The following SYT9 variants were observed in gnomAD, a reference collection of about 807,000 sequenced individuals.
The protein encoded by SYT9 is synaptotagmin 9, also known as synaptotagmin-9.
A neutral mutation model predicts 48.4 loss-of-function variants in SYT9; 22 were observed. The observed-to-expected ratio is 0.45, with a 90% CI of 0.32 to 0.65. SYT9 has a LOEUF of 0.65. Ranked by LOEUF, SYT9 falls within the 30% of genes least tolerant of loss-of-function variation. SYT9 has a pLI of 0.03. For missense variants in SYT9, 577 were observed against 622.0 expected, an observed-to-expected ratio of 0.93 and a Z score of 0.77; for synonymous variants, 265 against 245.0, an observed-to-expected ratio of 1.08 and a Z score of -0.76.
chr11:7,365,996 A>T (rs1850233927), intron 3 of SYT9, among the ~76,000 whole-genome samples: 1 of 152,298 alleles, frequency 6.6e-6, no homozygotes, highest in Non-Finnish European at 1.5e-5. Flanking sequence ...TTGCCCTTGA[A>T]GAAAGTCCTA....
chr11:7,414,489 A>G (rs1297243467), intron 3 of SYT9, among the ~76,000 whole-genome samples: 2 of 152,288 alleles, frequency 1.3e-5, no homozygotes, highest in Non-Finnish European at 1.5e-5. Context: ...TGCTCCTGCA[A>G]TGGGGAACCC....
At chr11:7,251,597 C>A (rs1197234626), upstream of SYT9, among the ~76,000 whole-genome samples, 1 of 152,202 alleles carries the variant, frequency 6.6e-6, no homozygotes, top group Admixed American at 6.5e-5. Flanking sequence ...TTGTAACCTT[C>A]GCACTAGGCA....
At chr11:7,239,616 A>C (rs1847719851) in intron 1 of SYT9, among the ~76,000 whole-genome samples, 1 of 152,188 alleles carries the variant, frequency 6.6e-6, no homozygotes, top group Non-Finnish European at 1.5e-5. Context: ...AGACTAATAG[A>C]TACTGAGTAA....
intron 6 of SYT9, among the ~76,000 whole-genome samples, chr11:7,450,923 GT>G (rs1321622219): frequency 2.6e-4 from 39 of 152,224 alleles, no homozygotes; most frequent in African/African-American, 9.4e-4. Flanking sequence ...GGATCACACA[GT>G]AATGCTGGTT....
rs542267610 is a variant in SYT9, at chr11:7,447,831, A to C, written c.1468-18961A>C. 1.6e-4 allele frequency among the ~76,000 whole-genome samples: 24 copies of C among 152,324 alleles called. No individual in the cohort carries two copies. The South Asian group carries it at 4.4e-3, about 28-fold the overall frequency. The stretch of plus-strand genomic sequence containing the variant: ...TCTCTGAATCCTGAGGCCATTGTGT[A>C]GGCCCCAGCGTACAACTAGGTGCCC... On this transcript the variant is annotated intron_variant, in intron 6 of 6. Coordinates refer to ENST00000318881, the MANE Select transcript of SYT9 (RefSeq NM_175733.4).
chr11:7,363,709 A>G (rs928966542), intron 3 of SYT9, among the ~76,000 whole-genome samples: 3 of 152,192 alleles, frequency 2.0e-5, no homozygotes, highest in African/African-American at 7.2e-5. Flanking sequence ...AGGAGAGGCA[A>G]GAGAATCTAA....
chr11:7,308,061 G>C (rs937494619), intron 2 of SYT9, among the ~76,000 whole-genome samples: 2 of 152,170 alleles, frequency 1.3e-5, no homozygotes, highest in Non-Finnish European at 2.9e-5. Context: ...TCTACTAACT[G>C]TGTCTGTCCC....
chr11:7,267,822 A>T (rs1046333492), intron 1 of SYT9, among the ~76,000 whole-genome samples: 1 of 151,874 alleles, frequency 6.6e-6, no homozygotes, highest in South Asian at 2.1e-4. Context: ...TCTGAAATAA[A>T]AAATAAATAA....
At chr11:7,256,109 A>T (rs1847964316) in intron 1 of SYT9, among the ~76,000 whole-genome samples, 1 of 152,102 alleles carries the variant, frequency 6.6e-6, no homozygotes, top group African/African-American at 2.4e-5. Context: ...ACTTATCTAG[A>T]TCCACTCTTT....
chr11:7,299,857 T>G (rs563917625), intron 1 of SYT9, among the ~76,000 whole-genome samples: 2 of 152,164 alleles, frequency 1.3e-5, no homozygotes, highest in South Asian at 2.1e-4. Context: ...GGTCCTATGG[T>G]TACTAGTTAA....
At chr11:7,318,327 T>A (rs1849277624) in intron 3 of SYT9, among the ~76,000 whole-genome samples, 1 of 152,182 alleles carries the variant, frequency 6.6e-6, no homozygotes, top group African/African-American at 2.4e-5. Flanking sequence ...AATGCCTTTT[T>A]TTTTTTATGG....
At chr11:7,301,673 G>A (rs1848923095) in intron 1 of SYT9, among the ~76,000 whole-genome samples, 1 of 152,196 alleles carries the variant, frequency 6.6e-6, no homozygotes, top group South Asian at 2.1e-4. Context: ...GTAGCACTTG[G>A]CATGTAGTAG....
At chr11:7,304,156 AT>A (rs1848993400) in intron 2 of SYT9, among the ~76,000 whole-genome samples, 1 of 152,170 alleles carries the variant, frequency 6.6e-6, no homozygotes, top group South Asian at 2.1e-4. Flanking sequence ...GATAGTACTG[AT>A]TTGTAGGTGG....
intron 3 of SYT9, among the ~76,000 whole-genome samples, chr11:7,372,211 C>A (rs764620178): frequency 6.6e-6 from 1 of 152,126 alleles, no homozygotes; most frequent in Non-Finnish European, 1.5e-5. Context: ...GATGGCATTT[C>A]GTTGTGGCTT....
chr11:7,458,943 A>G (rs1322192921), intron 6 of SYT9, among the ~76,000 whole-genome samples: 1 of 152,274 alleles, frequency 6.6e-6, no homozygotes, highest in Non-Finnish European at 1.5e-5. Context: ...AGACTAGATA[A>G]TGACAAGGTT....
intron 3 of SYT9, among the ~76,000 whole-genome samples, chr11:7,347,779 G>T (rs757604261): frequency 2.2e-4 from 34 of 152,180 alleles, no homozygotes; most frequent in Non-Finnish European, 2.8e-4. Context: ...CAGGGATCAA[G>T]AACTGAGTGA....
At chr11:7,269,052 C>G (rs2133883464) in intron 1 of SYT9, among the ~76,000 whole-genome samples, 1 of 152,192 alleles carries the variant, frequency 6.6e-6, no homozygotes, top group South Asian at 2.1e-4. Flanking sequence ...TAGCACGTGT[C>G]ATTAGTTCTT....
intron 3 of SYT9, among the ~76,000 whole-genome samples, chr11:7,365,106 G>A (rs964102155): frequency 3.3e-5 from 5 of 151,914 alleles, no homozygotes; most frequent in Non-Finnish European, 7.4e-5. Flanking sequence ...ACAGTGAAAC[G>A]CTCCATTGAC....
At chr11:7,400,676 A>G (rs1210240706) in intron 3 of SYT9, among the ~76,000 whole-genome samples, 1 of 152,192 alleles carries the variant, frequency 6.6e-6, no homozygotes, top group African/African-American at 2.4e-5. Flanking sequence ...TCAAAGAGAG[A>G]CTTCTAAGAC....
Sources: gnomAD v4.1 joint callset for allele counts (sites outside exome capture counted in the v4.1 genomes callset) on GRCh38, gnomAD v4.1.1 for gene constraint, MANE v1.5 for transcripts, NCBI Gene and HGNC (gene_info 2026-07-23, HGNC 2026-07-21) for gene names.